Variants in PPP6R1 observed in about 807,000 individuals in gnomAD.
The protein encoded by PPP6R1 is serine/threonine-protein phosphatase 6 regulatory subunit 1.
A neutral mutation model predicts 104.6 loss-of-function variants in PPP6R1; 39 were observed. That is an observed-to-expected ratio of 0.37 (90% CI 0.29 to 0.49). PPP6R1 has a LOEUF of 0.49. Ranked by LOEUF, PPP6R1 falls within the 20% of genes least tolerant of loss-of-function variation. The probability of loss-of-function intolerance (pLI) is 0.98; values close to 1 mark genes in which losing one functional copy is unlikely to be tolerated. For missense variants in PPP6R1, 1,181 were observed against 1,155.8 expected (o/e 1.02, Z -0.32); for synonymous variants, 549 against 479.0 (o/e 1.15, Z -1.91).
In PPP6R1 at chr19:55,240,290, T is replaced by C; in HGVS notation, c.1307A>G (p.Gln436Arg). 1 of 1,592,458 alleles carries C rather than the reference T, an allele frequency of 6.3e-7. No individual in the cohort carries two copies. Among genetic ancestry groups the C allele is most frequent in the Non-Finnish European group, 8.5e-7 (1 of 1,170,338 alleles). Reference sequence around the variant, plus strand: ...CAGGATCCGCTCCACCAGGCGGCACTGCTGCAGCAGCTGCGGGAGAGCGGG... The same window carrying C: ...CAGGATCCGCTCCACCAGGCGGCACCGCTGCAGCAGCTGCGGGAGAGCGGG... ...QNPVVKHLLQQCRLVERILTS... is the reference protein window; with the variant it reads ...QNPVVKHLLQRCRLVERILTS... The change falls in exon 11 of 24, where the codon CAG becomes CGG. Residue 436 changes from glutamine to arginine, a missense_variant. Around this residue, in one of 2 missense-constraint regions of PPP6R1, gnomAD observed 1,042 missense variants for 955.6 expected, o/e 1.09. Transcript: ENST00000412770.
In PPP6R1 at chr19:55,242,262, T is replaced by C. The variant is rs1243927367; in HGVS notation, c.749A>G (p.Gln250Arg). ...ATLEKQETIE[Q>R]LLSNMFEGEQ... The stretch of plus-strand genomic sequence containing the variant: ...CCCCTCGAACATGTTGCTTAAGAGC[T>C]GCTCAATCGTCTCCTGCCTGCGGGG... Residue 250 changes from glutamine (Q) to arginine (R), a missense_variant, in exon 7 of 24, where the codon CAG becomes CGG. Gln to Arg is a conservative substitution (Grantham distance 43). Coordinates refer to ENST00000412770, the MANE Select transcript of PPP6R1 (RefSeq NM_014931.4). The C allele has an allele frequency of 6.8e-6, 11 of 1,613,792 alleles. No individual in the cohort carries two copies. In the South Asian group the frequency reaches 1.2e-4, roughly 18 times the overall value.
chr19:55,250,951 C>G (rs1279029466), intron 1 of PPP6R1, among the ~76,000 whole-genome samples: 2 of 152,184 alleles, frequency 1.3e-5, no homozygotes, highest in African/African-American at 2.4e-5. Flanking sequence ...CCTCAATGAC[C>G]TCCCACTCCC....
chr19:55,235,988 G>A (rs1440861483), intron 17 of PPP6R1, among the ~76,000 whole-genome samples: 2 of 150,714 alleles, frequency 1.3e-5, no homozygotes, highest in Admixed American at 6.6e-5. Flanking sequence ...ACAGGCACAC[G>A]TCACCACATC....
chr19:55,245,068 G>A lies in PPP6R1; in HGVS notation c.618+52C>T. 1 of 1,596,366 alleles carries A rather than the reference G, an allele frequency of 6.3e-7. No homozygotes were observed. The highest frequency in any genetic ancestry group is 2.3e-5 in the East Asian group (1 of 44,284). On this transcript the variant is annotated intron_variant, in intron 5 of 23. Coordinates refer to ENST00000412770, the MANE Select transcript of PPP6R1 (RefSeq NM_014931.4). This position sits in a 1 kb window ranked among gnomAD's most constrained non-coding sequence, Gnocchi z 6.4. The stretch of plus-strand genomic sequence containing the variant: ...TCCTCTTTTAAAAGTGGGGAAGTGG[G>A]CATGGGGAAGGAACTCTAAGGGGAA...
chr19:55,254,953 G>A (rs545481405), intron 1 of PPP6R1, among the ~76,000 whole-genome samples: 6 of 152,330 alleles, frequency 3.9e-5, no homozygotes, highest in South Asian at 4.1e-4. Context: ...TGCAGAATCC[G>A]GCATCACCCA....
chr19:55,232,304 G>C, intron 17 of PPP6R1, 93 bp from the exon 18 acceptor site: 1 of 1,451,420 alleles, frequency 6.9e-7, no homozygotes, highest in Non-Finnish European at 9.1e-7. Context: ...CCCAAGGAGA[G>C]CGGGCTGGGA....
At position 55,245,164 on chromosome 19, in the gene PPP6R1, C is replaced by T. The variant is rs764069727; in HGVS notation, c.574G>A (p.Val192Ile). The T allele has an allele frequency of 6.2e-6, 10 of 1,613,334 alleles. No homozygotes were observed. Among genetic ancestry groups the T allele is most frequent in the East Asian group, 2.2e-5 (1 of 44,866 alleles). Reference sequence around the variant, plus strand: ...TGGATCTGCTCAATCAGCCGCTGGACGATCTTCTCCTCGTTGAGCCACTGA... The same window carrying T: ...TGGATCTGCTCAATCAGCCGCTGGATGATCTTCTCCTCGTTGAGCCACTGA... ...VVNWLNEEKI[V>I]QRLIEQIHPS... Residue 192 changes from valine to isoleucine, a missense_variant, in exon 5 of 24, where the codon GTC becomes ATC. By Grantham distance (29) the Val-to-Ile change is conservative (BLOSUM62 3). Coordinates refer to ENST00000412770, the MANE Select transcript of PPP6R1 (RefSeq NM_014931.4). This position sits in a 1 kb window ranked among gnomAD's most constrained non-coding sequence, Gnocchi z 6.4.
At position 55,245,221 on chromosome 19, in the gene PPP6R1, A is replaced by G; in HGVS notation, c.553-36T>C. 1 of 1,606,562 alleles carries G rather than the reference A, an allele frequency of 6.2e-7. No individual in the cohort carries two copies. Among genetic ancestry groups the G allele is most frequent in the Non-Finnish European group, 8.5e-7 (1 of 1,176,774 alleles). The stretch of plus-strand genomic sequence containing the variant: ...GAAGGCGAGGGATGCATCGCTGTCC[A>G]CCACGCCCAGCCCCCCACCCCCAGA... On this transcript the variant is annotated intron_variant, in intron 4 of 23. Transcript: ENST00000412770. This position sits in a 1 kb window ranked among gnomAD's most constrained non-coding sequence, Gnocchi z 6.4.
At chr19:55,240,570 CGG>C (rs2087445470) in intron 10 of PPP6R1, among the ~76,000 whole-genome samples, 1 of 151,768 alleles carries the variant, frequency 6.6e-6, no homozygotes, top group Non-Finnish European at 1.5e-5. Flanking sequence ...CATGCACTAA[CGG>C]ACACACACAT....
At chr19:55,258,307 G>C (rs929964116) in intron 1 of PPP6R1, 128 bp downstream of exon 1, 1 of 152,812 alleles carries the variant, frequency 6.5e-6, no homozygotes, top group African/African-American at 2.4e-5. Flanking sequence ...GAAGGAAGGA[G>C]GGAAAGGATC....
chr19:55,230,270 T>C lies in PPP6R1; in HGVS notation c.*258A>G, dbSNP rs2087327746. ...CTCTATATAATATATAATATATGTTTCTCTCTCTCCATTCTCTCTATTTGA... is the reference window on the plus strand; with the variant it reads ...CTCTATATAATATATAATATATGTTCCTCTCTCTCCATTCTCTCTATTTGA... On this transcript the variant is annotated 3_prime_UTR_variant, in exon 24 of 24. Transcript: ENST00000412770. 1 of 574,660 alleles carries C rather than the reference T, an allele frequency of 1.7e-6. No homozygotes were observed. The highest frequency in any genetic ancestry group is 3.1e-6 in the Non-Finnish European group (1 of 321,562). The allele number at this position is 574,660 out of a possible 1,614,324, so 35.6% of individuals were successfully genotyped here. A position where few individuals can be genotyped will look rare whatever the true frequency, so the allele number is the denominator to read the frequency against.
At chr19:55,242,018 C>T in intron 7 of PPP6R1, 148 bp downstream of exon 7, 1 of 735,446 alleles carries the variant, frequency 1.4e-6, no homozygotes, top group East Asian at 2.6e-5. Flanking sequence ...CGGCCCCGTA[C>T]TGTCCACTGT....
At chr19:55,243,524 G>A (rs1180391171) in intron 5 of PPP6R1, among the ~76,000 whole-genome samples, 1 of 151,840 alleles carries the variant, frequency 6.6e-6, no homozygotes, top group African/African-American at 2.4e-5. Flanking sequence ...AATTAGCCAA[G>A]AATGGTGGTG....
At position 55,241,637 on chromosome 19, in the gene PPP6R1, G is replaced by A. The variant is rs1157181885; in HGVS notation, c.848C>T (p.Ser283Phe). ...LTLLEPRRPR[S>F]ESVTVNSFFS... is the part of the protein sequence containing the mutation. ...GAAGCTGTTCACGGTCACGGACTCG[G>A]ACCTGCAGCAGGGCAGGGTCGAAGG... The change falls in exon 8 of 24, where the codon TCC becomes TTC. Residue 283 changes from serine (S) to phenylalanine (F), a missense_variant and splice_region_variant. Ser to Phe is a radical substitution (Grantham distance 155, BLOSUM62 -2). Around this residue, in one of 2 missense-constraint regions of PPP6R1, gnomAD observed 1,042 missense variants for 955.6 expected, o/e 1.09. Coordinates refer to ENST00000412770, the MANE Select transcript of PPP6R1 (RefSeq NM_014931.4). This position sits in a 1 kb window ranked among gnomAD's most constrained non-coding sequence, Gnocchi z 5.4. 8 of 1,573,584 alleles carry A rather than the reference G, an allele frequency of 5.1e-6. No individual in the cohort carries two copies. Among genetic ancestry groups the A allele is most frequent in the Non-Finnish European group, 6.9e-6 (8 of 1,161,122 alleles).
downstream of PPP6R1, chr19:55,228,547 C>A (rs548645595): frequency 1.3e-6 from 2 of 1,534,970 alleles, no homozygotes; most frequent in Admixed American, 3.9e-5. Flanking sequence ...GCTGTACAGG[C>A]TGGACCCATT....
intron 1 of PPP6R1, among the ~76,000 whole-genome samples, chr19:55,247,646 C>T (rs191622436): frequency 6.6e-5 from 10 of 152,314 alleles, no homozygotes; most frequent in African/African-American, 1.9e-4. Flanking sequence ...TTCCAGCACA[C>T]GGCTGCTGCT....
In PPP6R1 at chr19:55,256,278, TCTC is replaced by T. The variant is rs569951903; in HGVS notation, c.-7+2154_-7+2156del. Among the ~76,000 whole-genome samples the T allele has an allele frequency of 4.5e-3, 691 of 152,272 alleles. 1 individual carries two copies. The highest frequency in any genetic ancestry group is 0.01 in the Middle Eastern group (3 of 294). ...CCATACCCCAGCAGTGGAGCAAAGT[TCTC>T]CTCCTCTGCGCTGCTAACATTTGGG... On this transcript the variant is annotated intron_variant, in intron 1 of 23. Transcript: ENST00000412770.
At chr19:55,239,783 G>T in intron 13 of PPP6R1, 43 bp downstream of exon 13, 1 of 1,603,086 alleles carries the variant, frequency 6.2e-7, no homozygotes, top group South Asian at 1.1e-5. Flanking sequence ...GCCCAAGAGA[G>T]AGAAGCAGCA....
chr19:55,243,114 G>A (rs570472667), intron 5 of PPP6R1, among the ~76,000 whole-genome samples: 26 of 152,278 alleles, frequency 1.7e-4, no homozygotes, highest in East Asian at 5.8e-4. Context: ...AATCCCAGCA[G>A]TCTGAAAGGC....
Sources: allele counts gnomAD v4.1 joint callset (sites outside exome capture counted in the v4.1 genomes callset), GRCh38; gene constraint gnomAD v4.1.1; regional missense constraint gnomAD v4.1.1; non-coding constraint Gnocchi (gnomAD v3.1); transcripts MANE v1.5; gene names NCBI Gene and HGNC (gene_info 2026-07-23, HGNC 2026-07-21).